Variants in DDX10 observed in about 807,000 individuals in gnomAD.
DDX10 encodes the protein DEAD-box helicase 10, also known as probable ATP-dependent RNA helicase DDX10.
A neutral mutation model predicts 104.3 loss-of-function variants in DDX10; 74 were observed. The ratio of observed to expected loss-of-function variants is 0.71; its 90% CI spans 0.59 to 0.86. DDX10 has a LOEUF of 0.86. DDX10 is among the 40% of genes least tolerant of loss of function. The pLI, the probability that DDX10 is intolerant of heterozygous loss-of-function variation, is 0.00. For missense variants in DDX10, 952 were observed against 1,040.0 expected (o/e 0.92, Z 1.16); for synonymous variants, 351 against 353.4 (o/e 0.99, Z 0.08).
At chr11:108,767,431 A>G (rs2094357641) in intron 13 of DDX10, 1 of 152,164 alleles carries the variant, frequency 6.6e-6, no homozygotes, top group Admixed American at 6.6e-5. Flanking sequence ...GATTACTATG[A>G]AGAGAGGAAG....
chr11:108,718,194 T>C (rs1302979892), intron 11 of DDX10, among the ~76,000 whole-genome samples: 2 of 151,682 alleles, frequency 1.3e-5, no homozygotes, highest in Non-Finnish European at 2.9e-5. Flanking sequence ...TAGAGTAACA[T>C]AGTTATTAAG....
chr11:108,727,565 G>A (rs2094306856), intron 13 of DDX10, among the ~76,000 whole-genome samples: 1 of 152,024 alleles, frequency 6.6e-6, no homozygotes, highest in South Asian at 2.1e-4. Context: ...ATTGCCATAT[G>A]AATAAATTCA....
In DDX10 at chr11:108,689,047, T is replaced by C; in HGVS notation, c.960T>C (p.Phe320=). 1 of 1,614,116 alleles carries C rather than the reference T, an allele frequency of 6.2e-7. No individual in the cohort carries two copies. The change falls in exon 7 of 18, where the codon TTT becomes TTC. Residue 320 remains phenylalanine, a synonymous_variant. Coordinates refer to ENST00000322536, the MANE Select transcript of DDX10 (RefSeq NM_004398.4). The stretch of plus-strand genomic sequence containing the variant: ...TGAAGAAGAAGAGCATTGTATTTTT[T>C]TCCAGTTGCAAAGAGGTATTGGCTG... The part of the protein sequence containing the change: ...SHLKKKSIVF[F]SSCKEVQYLY...
intron 9 of DDX10, among the ~76,000 whole-genome samples, chr11:108,698,264 A>ACTTTT (rs2094262644): frequency 6.6e-6 from 1 of 152,220 alleles, no homozygotes; most frequent in South Asian, 2.1e-4. Context: ...GAAATAATAA[A>ACTTTT]AGTAAAAAGA....
intron 13 of DDX10, among the ~76,000 whole-genome samples, chr11:108,776,809 A>G (rs2134533564): frequency 6.6e-6 from 1 of 152,286 alleles, no homozygotes; most frequent in South Asian, 2.1e-4. Flanking sequence ...AAACTGAGAG[A>G]AGTCCCTGGC....
rs556298210 is a variant in DDX10, at chr11:108,846,510, G to A, written c.2247+5034G>A. On this transcript the variant is annotated intron_variant, in intron 15 of 17. Transcript: ENST00000322536. ...CTTACGAAGTCTGCTTCTATGAACT[G>A]GATTCCACAGATAAGTGAGATTGTG... 7.2e-5 allele frequency among the ~76,000 whole-genome samples: 11 copies of A among 152,214 alleles called. No individual in the cohort carries two copies. The South Asian group carries it at 2.3e-3, about 32-fold the overall frequency.
At chr11:108,901,377 TTA>T (rs1215033120) in intron 16 of DDX10, among the ~76,000 whole-genome samples, 1 of 152,198 alleles carries the variant, frequency 6.6e-6, no homozygotes, top group African/African-American at 2.4e-5. Context: ...TTTCTAAGAT[TTA>T]TGTTAAAAGA....
intron 17 of DDX10, among the ~76,000 whole-genome samples, chr11:108,932,103 G>T (rs921043901): frequency 1.9e-4 from 29 of 151,784 alleles, no homozygotes; most frequent in African/African-American, 5.3e-4. Flanking sequence ...ACACTTTGAG[G>T]GATACTCATC....
chr11:108,789,033 C>T (rs1861834345), intron 13 of DDX10, among the ~76,000 whole-genome samples: 1 of 152,194 alleles, frequency 6.6e-6, no homozygotes, highest in Admixed American at 6.5e-5. Flanking sequence ...GAGTGAGACA[C>T]ACCCCACTCC....
intron 16 of DDX10, among the ~76,000 whole-genome samples, chr11:108,867,921 A>T (rs976587961): frequency 1.3e-5 from 2 of 152,164 alleles, no homozygotes; most frequent in African/African-American, 4.8e-5. Flanking sequence ...GACATCAAGG[A>T]AATAATAACT....
intron 13 of DDX10, among the ~76,000 whole-genome samples, chr11:108,730,522 T>C (rs2094310747): frequency 6.6e-6 from 1 of 152,246 alleles, no homozygotes; most frequent in Non-Finnish European, 1.5e-5. Context: ...GTGAATTAAC[T>C]GAATTTCTTA....
intron 13 of DDX10, among the ~76,000 whole-genome samples, chr11:108,780,568 T>A (rs188173542): frequency 1.3e-5 from 2 of 152,328 alleles, no homozygotes; most frequent in South Asian, 2.1e-4. Flanking sequence ...TATCCAGTGC[T>A]AATTGGATTG....
intron 16 of DDX10, among the ~76,000 whole-genome samples, chr11:108,888,820 A>G (rs758460083): frequency 3.3e-4 from 50 of 152,266 alleles, no homozygotes; most frequent in East Asian, 1.2e-3. Context: ...AAGCTAACCA[A>G]TAGACCCTGG....
intron 17 of DDX10, among the ~76,000 whole-genome samples, chr11:108,922,955 A>G (rs1863854071): frequency 1.3e-5 from 2 of 152,230 alleles, no homozygotes; most frequent in African/African-American, 4.8e-5. Context: ...CTAGGCTTTC[A>G]TGTGCTATTT....
At position 108,719,951 on chromosome 11, in the gene DDX10, T is replaced by C. The variant is rs1277150905; in HGVS notation, c.1499+66T>C. On this transcript the variant is annotated intron_variant, in intron 12 of 17. Coordinates refer to ENST00000322536, the MANE Select transcript of DDX10 (RefSeq NM_004398.4). ...GTTAGAGGGAATTAATTAATTAATTTAGAGATGGGGTCTTGCTATGTTGCC... is the reference window on the plus strand; with the variant it reads ...GTTAGAGGGAATTAATTAATTAATTCAGAGATGGGGTCTTGCTATGTTGCC... 4 of 1,001,270 alleles carry C rather than the reference T, an allele frequency of 4.0e-6. No homozygotes were observed. The African/African-American group carries it at 6.4e-5, about 16-fold the overall frequency. 62.0% of individuals were successfully genotyped at this position (1,001,270 alleles called of 1,614,324 possible). A position where few individuals can be genotyped will look rare whatever the true frequency, so the allele number is the denominator to read the frequency against.
intron 16 of DDX10, among the ~76,000 whole-genome samples, chr11:108,903,234 C>T (rs1442378094): frequency 2.0e-5 from 3 of 152,160 alleles, no homozygotes; most frequent in East Asian, 3.8e-4. Context: ...TCCCCCTCAT[C>T]CTTGGCAACT....
chr11:108,753,550 G>C (rs1591809654), intron 13 of DDX10, among the ~76,000 whole-genome samples: 1 of 152,046 alleles, frequency 6.6e-6, no homozygotes, highest in Non-Finnish European at 1.5e-5. Context: ...GTGTTTTCAT[G>C]GGTTACACAT....
In DDX10 at chr11:108,867,288, G is replaced by A. The variant is rs1591102308; in HGVS notation, c.2304+15079G>A. The stretch of plus-strand genomic sequence containing the variant: ...AGTCACTGAAGAGTTGAGAGAAGTA[G>A]GAATGTGTGCTTATGTACCCAGCTC... On this transcript the variant is annotated intron_variant, in intron 16 of 17. Transcript: ENST00000322536. 4.6e-5 allele frequency among the ~76,000 whole-genome samples: 7 copies of A among 152,216 alleles called. 1 individual carries two copies. The South Asian group carries it at 1.5e-3, about 32-fold the overall frequency.
chr11:108,771,360 T>A (rs899351619), intron 13 of DDX10, among the ~76,000 whole-genome samples: 2 of 151,980 alleles, frequency 1.3e-5, no homozygotes, highest in African/African-American at 4.8e-5. Flanking sequence ...TTCTTTTTTT[T>A]CTTTTTTTCT....
Sources: gnomAD v4.1 joint callset for allele counts (sites outside exome capture counted in the v4.1 genomes callset) on GRCh38, gnomAD v4.1.1 for gene constraint, MANE v1.5 for transcripts, NCBI Gene and HGNC (gene_info 2026-07-23, HGNC 2026-07-21) for gene names.